MYO1D: variants seen among roughly 807,000 people sequenced by gnomAD.
MYO1D encodes myosin ID.
In MYO1D, 83 loss-of-function variants were observed where a neutral mutation model predicts 122.0. The observed-to-expected ratio is 0.68, with a 90% CI of 0.57 to 0.82. The LOEUF is 0.82. Among genes scored for constraint, MYO1D ranks in the 40% least tolerant of loss-of-function variants. The pLI is 0.00. For missense variants in MYO1D, 1,157 were observed against 1,269.5 expected (o/e 0.91, Z 1.35); for synonymous variants, 464 against 446.9 (o/e 1.04, Z -0.48).
chr17:32,582,080 T>G (rs1211887496), intron 21 of MYO1D, among the ~76,000 whole-genome samples: 2 of 151,914 alleles, frequency 1.3e-5, no homozygotes, highest in East Asian at 3.9e-4. Flanking sequence ...CTGGCTGATT[T>G]TTTTGTAATT....
intron 4 of MYO1D, among the ~76,000 whole-genome samples, chr17:32,774,055 G>C (rs964451395): frequency 6.6e-6 from 1 of 151,982 alleles, no homozygotes; most frequent in Non-Finnish European, 1.5e-5. Flanking sequence ...TCCTCAGCCT[G>C]TGCTCTCCCA....
chr17:32,712,349 C>T (rs1162379936), intron 15 of MYO1D, among the ~76,000 whole-genome samples, 154 bp from the exon 16 acceptor site: 1 of 152,120 alleles, frequency 6.6e-6, no homozygotes, highest in Admixed American at 6.5e-5. Context: ...GCAAAAAAGG[C>T]TTCAGTAAAA....
intron 15 of MYO1D, among the ~76,000 whole-genome samples, chr17:32,715,585 G>A (rs2089434427): frequency 1.3e-5 from 2 of 151,822 alleles, no homozygotes; most frequent in South Asian, 2.1e-4. Context: ...TTCTTTCTAT[G>A]TATTCTCTCC....
intron 21 of MYO1D, among the ~76,000 whole-genome samples, chr17:32,597,976 G>A (rs986415483): frequency 5.3e-5 from 8 of 151,814 alleles, no homozygotes; most frequent in Non-Finnish European, 1.2e-4. Context: ...CTCTTATTTG[G>A]AAATGGTTTT....
chr17:32,692,376 T>C (rs1298550339), intron 16 of MYO1D, among the ~76,000 whole-genome samples: 1 of 152,250 alleles, frequency 6.6e-6, no homozygotes, highest in Non-Finnish European at 1.5e-5. Context: ...ATGTATGCCA[T>C]TATGTACCTA....
At chr17:32,593,240 C>G (rs2087457370) in intron 21 of MYO1D, among the ~76,000 whole-genome samples, 1 of 152,200 alleles carries the variant, frequency 6.6e-6, no homozygotes, top group Non-Finnish European at 1.5e-5. Context: ...TATTTGGAGA[C>G]ATTTCCAGCC....
intron 16 of MYO1D, among the ~76,000 whole-genome samples, chr17:32,662,283 T>C (rs2088576263): frequency 1.3e-5 from 2 of 152,204 alleles, no homozygotes; most frequent in South Asian, 4.1e-4. Context: ...AAAGCAGTTG[T>C]CTAAAATGTT....
intron 1 of MYO1D, among the ~76,000 whole-genome samples, chr17:32,840,865 T>C (rs1368452625): frequency 6.6e-6 from 1 of 152,166 alleles, no homozygotes; most frequent in Non-Finnish European, 1.5e-5. Context: ...CTTATGATGG[T>C]TTGATTTTTT....
At chr17:32,726,967 T>G (rs2089583804) in intron 14 of MYO1D, among the ~76,000 whole-genome samples, 1 of 152,200 alleles carries the variant, frequency 6.6e-6, no homozygotes, top group African/African-American at 2.4e-5. Flanking sequence ...TAACATTAGA[T>G]TTTTATATTC....
chr17:32,539,077 C>T (rs558084497), intron 21 of MYO1D, among the ~76,000 whole-genome samples: 21 of 152,170 alleles, frequency 1.4e-4, no homozygotes, highest in South Asian at 6.2e-4. Context: ...CGTAACAAAC[C>T]TGCACATCCT....
chr17:32,803,437 C>A (rs982420973), intron 1 of MYO1D, among the ~76,000 whole-genome samples: 2 of 152,086 alleles, frequency 1.3e-5, no homozygotes, highest in African/African-American at 4.8e-5. Context: ...TAAGCCACCA[C>A]GCCGGGCCCA....
At chr17:32,701,885 C>A (rs547105154) in intron 16 of MYO1D, among the ~76,000 whole-genome samples, 31 of 152,176 alleles carry the variant, frequency 2.0e-4, no homozygotes, top group Non-Finnish European at 3.8e-4. Context: ...GTACTCTTAA[C>A]ACAACTGGAA....
chr17:32,715,986 C>G (rs1043522860), intron 15 of MYO1D, among the ~76,000 whole-genome samples: 2 of 151,492 alleles, frequency 1.3e-5, no homozygotes, highest in Non-Finnish European at 2.9e-5. Context: ...TAGTTTACAA[C>G]AGACTCCTAA....
At chr17:32,785,702 C>T (rs145160520) in intron 1 of MYO1D, among the ~76,000 whole-genome samples, 14 of 152,322 alleles carry the variant, frequency 9.2e-5, no homozygotes, top group African/African-American at 3.1e-4. Context: ...ACACACTCTT[C>T]TATTGGCTTC....
chr17:32,598,417 C>T (rs1329931807), intron 21 of MYO1D, among the ~76,000 whole-genome samples: 1 of 152,144 alleles, frequency 6.6e-6, no homozygotes, highest in Non-Finnish European at 1.5e-5. Context: ...ATTAGCATAT[C>T]CCAAATGTAT....
At chr17:32,562,762 C>A (rs1284870536) in intron 21 of MYO1D, among the ~76,000 whole-genome samples, 2 of 152,134 alleles carry the variant, frequency 1.3e-5, no homozygotes, top group Non-Finnish European at 2.9e-5. Context: ...GCCACCATGC[C>A]CGGACAGGAT....
chr17:32,663,773 C>T (rs187483927), intron 16 of MYO1D, among the ~76,000 whole-genome samples: 87 of 152,316 alleles, frequency 5.7e-4, no homozygotes, highest in Middle Eastern at 3.4e-3. Flanking sequence ...CTCTGGTACA[C>T]CTTTATACTG....
chr17:32,680,882 G>A (rs1043760334), intron 16 of MYO1D, among the ~76,000 whole-genome samples: 4 of 151,970 alleles, frequency 2.6e-5, no homozygotes, highest in African/African-American at 9.7e-5. Flanking sequence ...ATCTGGTCCT[G>A]GACTCTTTTT....
intron 16 of MYO1D, among the ~76,000 whole-genome samples, chr17:32,679,953 T>C (rs1394022090): frequency 1.4e-5 from 2 of 148,058 alleles, no homozygotes; most frequent in African/African-American, 5.1e-5. Flanking sequence ...TGGTTTGTAG[T>C]TCTCCTGGAA....
Sources: gnomAD v4.1 joint callset for allele counts (sites outside exome capture counted in the v4.1 genomes callset) on GRCh38, gnomAD v4.1.1 for gene constraint, MANE v1.5 for transcripts, NCBI Gene and HGNC (gene_info 2026-07-23, HGNC 2026-07-21) for gene names.